PDXDC1: variants seen among roughly 807,000 people sequenced by gnomAD.
The protein encoded by PDXDC1 is pyridoxal-dependent decarboxylase domain-containing protein 1.
A neutral mutation model predicts 100.1 loss-of-function variants in PDXDC1; 42 were observed. That is an observed-to-expected ratio of 0.42 (90% confidence interval 0.33 to 0.54). The LOEUF (loss-of-function observed/expected upper bound fraction) is 0.54, where lower values mean the gene tolerates loss of function less well. PDXDC1 is among the 20% of genes least tolerant of loss of function. PDXDC1 has a pLI of 0.10. For missense variants in PDXDC1, 636 were observed against 979.2 expected (o/e 0.65, Z 4.68); for synonymous variants, 260 against 371.7 (o/e 0.70, Z 3.46).
At chr16:15,065,715 C>T (rs931911155) in intron 16 of PDXDC1, among the ~76,000 whole-genome samples, 2 of 152,030 alleles carry the variant, frequency 1.3e-5, no homozygotes, top group African/African-American at 4.8e-5. Context: ...TCTTAGATTA[C>T]GTAACTATAG....
chr16:15,104,193 A>G, intron 16 of PDXDC1: 2 of 904,620 alleles, frequency 2.2e-6, no homozygotes, highest in Middle Eastern at 3.5e-4. Flanking sequence ...ACAAATAATA[A>G]TATTTTACAT....
chr16:14,980,757 G>A (rs958576358), intron 1 of PDXDC1, among the ~76,000 whole-genome samples: 8 of 152,278 alleles, frequency 5.3e-5, no homozygotes, highest in South Asian at 2.1e-4. Flanking sequence ...GAGCCACCGC[G>A]CCTGGCCAAT....
chr16:15,063,791 G>C (rs1266404650), intron 16 of PDXDC1, among the ~76,000 whole-genome samples: 1 of 150,862 alleles, frequency 6.6e-6, no homozygotes, highest in Non-Finnish European at 1.5e-5. Context: ...TTCTGTATAA[G>C]AGTTCATTCA....
the PDXDC1 span, among the ~76,000 whole-genome samples, chr16:15,149,179 C>G: frequency 3.9e-5 from 6 of 152,186 alleles, no homozygotes; most frequent in East Asian, 9.7e-4. Context: ...AGTCACCTTG[C>G]CCCTTGGGGA....
At chr16:15,080,114 A>C (rs758306620) in intron 16 of PDXDC1, 14 of 1,587,776 alleles carry the variant, frequency 8.8e-6, no homozygotes, top group Non-Finnish European at 1.2e-5. Flanking sequence ...AGAAAATGTA[A>C]GATAAAACAT....
intron 16 of PDXDC1, chr16:15,130,340 C>G (rs1297531943): frequency 2.4e-5 from 38 of 1,552,586 alleles, no homozygotes; most frequent in Non-Finnish European, 3.2e-5. Flanking sequence ...ACACCACGTC[C>G]TCCTCGCTGA....
At chr16:15,059,601 C>T (rs970363188) in intron 16 of PDXDC1, among the ~76,000 whole-genome samples, 1 of 152,190 alleles carries the variant, frequency 6.6e-6, no homozygotes, top group Non-Finnish European at 1.5e-5. Context: ...TCAGCCACTT[C>T]TCATCAAGGA....
intron 16 of PDXDC1, chr16:15,073,224 G>C (rs1193213346): frequency 6.5e-6 from 6 of 918,324 alleles, no homozygotes; most frequent in Non-Finnish European, 9.9e-6. Context: ...CCAGCACTTT[G>C]GGAGGCCAAA....
At chr16:15,066,178 C>T (rs1014246524) in intron 16 of PDXDC1, among the ~76,000 whole-genome samples, 1 of 152,146 alleles carries the variant, frequency 6.6e-6, no homozygotes. Context: ...ACCCCTCCTC[C>T]TGGTGGAGGA....
At chr16:15,102,097 C>T (rs1466537504) in intron 16 of PDXDC1, among the ~76,000 whole-genome samples, 11 of 152,170 alleles carry the variant, frequency 7.2e-5, no homozygotes, top group African/African-American at 2.4e-4. Flanking sequence ...CCACCTGCCT[C>T]GGCCTCTCAA....
chr16:15,047,508 G>C, intron 16 of PDXDC1: 1 of 1,614,078 alleles, frequency 6.2e-7, no homozygotes, highest in Non-Finnish European at 8.5e-7. Context: ...CTCAGCTTTG[G>C]TGTCGGTTCC....
At chr16:15,008,356 T>A (rs1179706764) in intron 6 of PDXDC1, among the ~76,000 whole-genome samples, 7 of 152,276 alleles carry the variant, frequency 4.6e-5, no homozygotes, top group Admixed American at 4.6e-4. Flanking sequence ...TATTACTTTT[T>A]AGGGGTGGGT....
chr16:15,035,245 C>G (rs996186504), intron 21 of PDXDC1, among the ~76,000 whole-genome samples: 4 of 152,224 alleles, frequency 2.6e-5, no homozygotes, highest in African/African-American at 9.6e-5. Context: ...CGCCATACTG[C>G]TGGCGGATGC....
intron 16 of PDXDC1, chr16:15,103,455 T>C: frequency 1.6e-6 from 1 of 632,376 alleles, no homozygotes; most frequent in Non-Finnish European, 2.8e-6. Context: ...AACCACTGCT[T>C]CCAAGTCTCT....
chr16:14,990,137 C>T (rs1326069023), intron 1 of PDXDC1: 7 of 1,442,166 alleles, frequency 4.9e-6, no homozygotes, highest in Non-Finnish European at 6.4e-6. Context: ...CCGGCAGCCC[C>T]TTGAGCCCCT....
In PDXDC1 at chr16:15,037,890, T is replaced by C; in HGVS notation, c.*1615T>C. On this transcript the variant is annotated 3_prime_UTR_variant, in exon 23 of 23. Coordinates refer to ENST00000396410, the MANE Select transcript of PDXDC1 (RefSeq NM_015027.4). ...AATAAGGTTTTATTTTGAAAGTCATTTGATGAAAGTCATTTGAAAGACACT... is the reference window on the plus strand; with the variant it reads ...AATAAGGTTTTATTTTGAAAGTCATCTGATGAAAGTCATTTGAAAGACACT... The C allele has an allele frequency of 1.7e-6, 1 of 571,776 alleles. No homozygotes were observed. Among genetic ancestry groups the C allele is most frequent in the East Asian group, 2.8e-5 (1 of 35,932 alleles). The allele number at this position is 571,776 out of a possible 1,614,324, so 35.4% of individuals were successfully genotyped here.
intron 1 of PDXDC1, among the ~76,000 whole-genome samples, chr16:14,980,009 G>T (rs902185513): frequency 6.6e-6 from 1 of 152,286 alleles, no homozygotes; most frequent in Admixed American, 6.5e-5. Context: ...CAATGTGAGG[G>T]TTTTGCATAC....
At chr16:15,031,035 T>A (rs1167369947) in intron 16 of PDXDC1, among the ~76,000 whole-genome samples, 2 of 150,818 alleles carry the variant, frequency 1.3e-5, no homozygotes, top group Non-Finnish European at 2.9e-5. Context: ...CATTGCAACC[T>A]CGACCTCCTG....
chr16:15,132,861 G>C lies in PDXDC1; in HGVS notation c.1400-6018G>C. The C allele has an allele frequency of 2.5e-6, 4 of 1,588,972 alleles. No homozygotes were observed. In the South Asian group the frequency reaches 4.4e-5, roughly 17 times the overall value. On this transcript the variant is annotated intron_variant, in intron 16 of 16. Coordinates refer to the PDXDC1 transcript ENST00000535621. ...TGCTTGGGCTCTGCCGCCACGTCCAGGGCCCGCTCGTACTGGGGCAGGCAG... is the reference window on the plus strand; with the variant it reads ...TGCTTGGGCTCTGCCGCCACGTCCACGGCCCGCTCGTACTGGGGCAGGCAG...
Sources: allele counts gnomAD v4.1 joint callset (sites outside exome capture counted in the v4.1 genomes callset), GRCh38; gene constraint gnomAD v4.1.1; transcripts MANE v1.5; gene names NCBI Gene and HGNC (gene_info 2026-07-23, HGNC 2026-07-21).